Variants in NPAS3 observed in about 807,000 individuals in gnomAD.
The protein encoded by NPAS3 is neuronal PAS domain protein 3.
A neutral mutation model predicts 73.1 loss-of-function variants in NPAS3; 14 were observed. That is an observed-to-expected ratio of 0.19 (90% CI 0.13 to 0.30). The LOEUF (loss-of-function observed/expected upper bound fraction) is 0.30, where lower values mean the gene tolerates loss of function less well. Among genes scored for constraint, NPAS3 ranks in the 10% least tolerant of loss-of-function variants. The pLI is 1.00. For synonymous variants in NPAS3, 620 were observed against 541.5 expected (o/e 1.14, Z -2.01); for missense variants, 1,096 against 1,250.0 (o/e 0.88, Z 1.86).
In NPAS3 at chr14:33,543,946, CATATATATATATATATAT is replaced by C. The variant is rs35154724; in HGVS notation, c.469-16136_469-16119del. Among the ~76,000 whole-genome samples, 125 of 104,964 alleles carry C rather than the reference CATATATATATATATATAT, an allele frequency of 1.2e-3. 1 individual carries two copies. Among genetic ancestry groups the C allele is most frequent in the Middle Eastern group, 5.2e-3 (1 of 194 alleles). The allele number at this position is 104,964 out of a possible 152,430, so 68.9% of individuals were successfully genotyped here. A position where few individuals can be genotyped will look rare whatever the true frequency, so the allele number is the denominator to read the frequency against. ...CATCTCAGACAGGTATGGCAAAGTG[CATATATATATATATATAT>C]ATATATATATATATATATATATATA... On this transcript the variant is annotated intron_variant, in intron 4 of 11. Coordinates refer to ENST00000356141, the Ensembl canonical transcript of NPAS3.
At chr14:33,119,446 T>C (rs2043164231) in intron 2 of NPAS3, among the ~76,000 whole-genome samples, 1 of 152,144 alleles carries the variant, frequency 6.6e-6, no homozygotes, top group Non-Finnish European at 1.5e-5. Flanking sequence ...GTGCTTGCTG[T>C]TGCAACAATC....
At chr14:33,090,161 A>G (rs888394462) in intron 2 of NPAS3, among the ~76,000 whole-genome samples, 4 of 152,240 alleles carry the variant, frequency 2.6e-5, no homozygotes, top group Admixed American at 1.3e-4. Context: ...TTAACCTTAA[A>G]TGTAAATGGA....
intron 5 of NPAS3, among the ~76,000 whole-genome samples, chr14:33,654,962 A>G (rs1265628734): frequency 6.6e-6 from 1 of 152,210 alleles, no homozygotes; most frequent in Non-Finnish European, 1.5e-5. Flanking sequence ...TTCTGAATAC[A>G]TATACCCTGC....
chr14:33,347,528 T>C (rs796245608), intron 3 of NPAS3, among the ~76,000 whole-genome samples: 65 of 152,298 alleles, frequency 4.3e-4, no homozygotes, highest in African/African-American at 1.5e-3. Flanking sequence ...GCTTCACAGG[T>C]GTGGCTGCTG....
At chr14:33,192,666 C>T (rs1415711249) in intron 2 of NPAS3, among the ~76,000 whole-genome samples, 1 of 152,138 alleles carries the variant, frequency 6.6e-6, no homozygotes, top group Non-Finnish European at 1.5e-5. Flanking sequence ...TAAAAGAAGT[C>T]AGGAGTACAG....
chr14:32,938,310 C>T (rs894159330), upstream of NPAS3, among the ~76,000 whole-genome samples: 6 of 152,008 alleles, frequency 3.9e-5, no homozygotes, highest in Admixed American at 6.5e-5. Context: ...TGTGTCCTGC[C>T]CCAGCTCGCT....
intron 4 of NPAS3, among the ~76,000 whole-genome samples, chr14:33,537,672 T>C (rs1384954880): frequency 6.6e-6 from 1 of 152,128 alleles, no homozygotes; most frequent in Non-Finnish European, 1.5e-5. Context: ...ACAGAATCAT[T>C]CTCTAACTTC....
chr14:32,948,449 A>G (rs1030777907), intron 1 of NPAS3, among the ~76,000 whole-genome samples: 1 of 152,134 alleles, frequency 6.6e-6, no homozygotes, highest in Admixed American at 6.6e-5. Context: ...TGTTACTTGA[A>G]GTATAACCCC....
chr14:33,055,628 A>G (rs1386714059), intron 1 of NPAS3, among the ~76,000 whole-genome samples: 2 of 152,090 alleles, frequency 1.3e-5, no homozygotes, highest in Non-Finnish European at 2.9e-5. Flanking sequence ...GTTTAGACCT[A>G]TGTCTCTTTT....
intron 4 of NPAS3, among the ~76,000 whole-genome samples, chr14:33,476,381 C>G (rs538098040): frequency 1.7e-4 from 26 of 152,290 alleles, no homozygotes; most frequent in South Asian, 1.0e-3. Context: ...GACTACTTGT[C>G]AATTTCACTG....
intron 3 of NPAS3, among the ~76,000 whole-genome samples, chr14:33,270,970 A>G (rs1413272234): frequency 1.3e-5 from 2 of 152,184 alleles, no homozygotes; most frequent in Non-Finnish European, 2.9e-5. Context: ...CAAGTGACAA[A>G]AGGAAGATTA....
intron 7 of NPAS3, among the ~76,000 whole-genome samples, chr14:33,762,175 G>A (rs1308629342): frequency 5.9e-5 from 9 of 152,100 alleles, no homozygotes; most frequent in Admixed American, 5.9e-4. Flanking sequence ...TCACTCAGAG[G>A]ACAACTGTAT....
intron 7 of NPAS3, among the ~76,000 whole-genome samples, chr14:33,771,026 G>A (rs949624568): frequency 2.0e-5 from 3 of 152,150 alleles, no homozygotes; most frequent in Non-Finnish European, 4.4e-5. Context: ...TCACAGTTGT[G>A]CGGCTATTAA....
intron 6 of NPAS3, among the ~76,000 whole-genome samples, chr14:33,689,036 A>G (rs140412196): frequency 6.6e-6 from 1 of 152,336 alleles, no homozygotes; most frequent in African/African-American, 2.4e-5. Context: ...TGAAGATGAC[A>G]ATCCTGACCG....
At chr14:33,375,011 A>T (rs570108602) in intron 4 of NPAS3, among the ~76,000 whole-genome samples, 7 of 152,258 alleles carry the variant, frequency 4.6e-5, no homozygotes, top group Non-Finnish European at 1.0e-4. Context: ...ATTTTATTGA[A>T]ATGTGTAGAT....
At chr14:33,751,691 A>C (rs1461691748) in intron 7 of NPAS3, among the ~76,000 whole-genome samples, 1 of 152,170 alleles carries the variant, frequency 6.6e-6, no homozygotes, top group Non-Finnish European at 1.5e-5. Flanking sequence ...TCAAGATGAT[A>C]ATTATCTCTC....
intron 3 of NPAS3, among the ~76,000 whole-genome samples, chr14:33,271,524 G>A (rs2041082435): frequency 6.6e-6 from 1 of 152,034 alleles, no homozygotes; most frequent in Admixed American, 6.6e-5. Context: ...TTTCATTTGG[G>A]TATTGTTTTC....
intron 2 of NPAS3, among the ~76,000 whole-genome samples, chr14:33,067,083 G>A (rs1454542603): frequency 6.6e-6 from 1 of 152,240 alleles, no homozygotes; most frequent in African/African-American, 2.4e-5. Context: ...CACAGCTAAT[G>A]AGGTGCAATC....
intron 1 of NPAS3, among the ~76,000 whole-genome samples, chr14:33,022,390 C>T (rs1416194910): frequency 4.6e-5 from 7 of 152,182 alleles, no homozygotes; most frequent in Middle Eastern, 3.4e-3. Context: ...TTTGGCTGGG[C>T]GCGGTGGCTC....
Sources: gnomAD v4.1 joint callset for allele counts (sites outside exome capture counted in the v4.1 genomes callset) on GRCh38, gnomAD v4.1.1 for gene constraint, MANE v1.5 for transcripts, NCBI Gene and HGNC (gene_info 2026-07-23, HGNC 2026-07-21) for gene names.